The following PDE4D variants were observed in gnomAD, a reference collection of about 807,000 sequenced individuals.
PDE4D encodes the protein 3',5'-cyclic-AMP phosphodiesterase 4D.
A neutral mutation model predicts 87.4 loss-of-function variants in PDE4D; 24 were observed. The ratio of observed to expected loss-of-function variants is 0.27; its 90% CI spans 0.20 to 0.39. The LOEUF (loss-of-function observed/expected upper bound fraction) is 0.39, where lower values mean the gene tolerates loss of function less well. Among genes scored for constraint, PDE4D ranks in the 10% least tolerant of loss-of-function variants. PDE4D has a pLI of 1.00. For missense variants in PDE4D, 714 were observed against 1,041.0 expected (o/e 0.69, Z 4.32); for synonymous variants, 384 against 383.2 (o/e 1.00, Z -0.02).
intron 1 of PDE4D, among the ~76,000 whole-genome samples, chr5:59,507,679 A>AGAAAGAAAAG (rs1554198805): frequency 8.4e-6 from 1 of 118,712 alleles, no homozygotes; most frequent in African/African-American, 3.5e-5. Flanking sequence ...AAAAAAAAAA[A>AGAAAGAAAAG]AAAAGAAAAG....
intron 1 of PDE4D, among the ~76,000 whole-genome samples, chr5:59,597,533 G>C (rs1478492118): frequency 6.6e-6 from 1 of 152,036 alleles, no homozygotes; most frequent in Non-Finnish European, 1.5e-5. Flanking sequence ...GAGAAAGAGA[G>C]AGAGAGAGAG....
At chr5:60,147,162 C>A (rs1037745200) in intron 2 of PDE4D, among the ~76,000 whole-genome samples, 3 of 152,198 alleles carry the variant, frequency 2.0e-5, no homozygotes, top group Admixed American at 6.5e-5. Context: ...GGTACTTCCC[C>A]ATTGATCACA....
intron 1 of PDE4D, among the ~76,000 whole-genome samples, chr5:59,457,211 C>A (rs566819370): frequency 6.6e-6 from 1 of 152,150 alleles, no homozygotes; most frequent in Non-Finnish European, 1.5e-5. Flanking sequence ...TAAGAAATTG[C>A]TACAGCTTCT....
At chr5:60,421,997 A>T (rs974792502) in intron 1 of PDE4D, among the ~76,000 whole-genome samples, 1 of 152,226 alleles carries the variant, frequency 6.6e-6, no homozygotes, top group Non-Finnish European at 1.5e-5. Flanking sequence ...TTAGAGAAAA[A>T]AGAGTAAAAA....
intron 1 of PDE4D, among the ~76,000 whole-genome samples, chr5:60,235,041 A>G (rs1400464713): frequency 6.6e-6 from 1 of 151,922 alleles, no homozygotes; most frequent in Non-Finnish European, 1.5e-5. Context: ...TTAAAGTCAT[A>G]GCCATAAAGA....
At chr5:60,308,225 T>A (rs1460334156) in intron 1 of PDE4D, among the ~76,000 whole-genome samples, 1 of 152,250 alleles carries the variant, frequency 6.6e-6, no homozygotes, top group African/African-American at 2.4e-5. Flanking sequence ...GGAAATATTT[T>A]CATAACTTAA....
intron 1 of PDE4D, among the ~76,000 whole-genome samples, chr5:59,798,228 ATC>A (rs60239831): frequency 6.9e-6 from 1 of 145,616 alleles, no homozygotes; most frequent in African/African-American, 2.6e-5. Context: ...ACAAGTCTCC[ATC>A]TCTCTCTCTC....
chr5:59,458,522 G>A (rs1374722601), intron 1 of PDE4D, among the ~76,000 whole-genome samples: 1 of 152,132 alleles, frequency 6.6e-6, no homozygotes, highest in Admixed American at 6.5e-5. Flanking sequence ...AATCTGCTTT[G>A]TTTGTTCTCT....
At chr5:59,209,824 A>C (rs1181168125) in intron 2 of PDE4D, among the ~76,000 whole-genome samples, 1 of 152,244 alleles carries the variant, frequency 6.6e-6, no homozygotes, top group Non-Finnish European at 1.5e-5. Flanking sequence ...ATGGTGTCAC[A>C]GAAAGGAATA....
chr5:59,797,492 C>T (rs2152659124), intron 1 of PDE4D, among the ~76,000 whole-genome samples: 1 of 152,246 alleles, frequency 6.6e-6, no homozygotes, highest in South Asian at 2.1e-4. Flanking sequence ...GGTATATAGC[C>T]CTTCAAATGG....
At chr5:60,246,536 A>G (rs12189411) in intron 1 of PDE4D, among the ~76,000 whole-genome samples, 1,549 of 151,906 alleles carry the variant, frequency 0.01, 15 homozygotes, top group Non-Finnish European at 0.018. Context: ...ACAGTCTACT[A>G]ATTTTCTCTC....
At chr5:60,315,812 T>G (rs1755523370) in intron 1 of PDE4D, among the ~76,000 whole-genome samples, 1 of 151,884 alleles carries the variant, frequency 6.6e-6, no homozygotes, top group Non-Finnish European at 1.5e-5. Context: ...TGCAGCATTA[T>G]TTCTGAGGTC....
chr5:59,057,506 A>T (rs1762536622), intron 5 of PDE4D, among the ~76,000 whole-genome samples: 1 of 152,252 alleles, frequency 6.6e-6, no homozygotes, highest in Non-Finnish European at 1.5e-5. Context: ...GATGAATTTT[A>T]TATGCAGGCA....
At chr5:59,905,082 G>A (rs1752676386) in intron 3 of PDE4D, among the ~76,000 whole-genome samples, 1 of 152,168 alleles carries the variant, frequency 6.6e-6, no homozygotes, top group African/African-American at 2.4e-5. Context: ...TTTGGAGGAA[G>A]GAGAAGAAGG....
intron 1 of PDE4D, among the ~76,000 whole-genome samples, chr5:59,468,749 A>G (rs1344792564): frequency 6.6e-6 from 1 of 152,198 alleles, no homozygotes; most frequent in African/African-American, 2.4e-5. Context: ...CTGTCCTTCA[A>G]CAGGTTCTAA....
chr5:60,161,157 T>C (rs1020599050), intron 2 of PDE4D, among the ~76,000 whole-genome samples: 18 of 152,278 alleles, frequency 1.2e-4, no homozygotes, highest in Admixed American at 3.9e-4. Context: ...ATAACTCTCA[T>C]GGCTCCTTTC....
At chr5:59,598,012 G>C (rs765440307) in intron 1 of PDE4D, among the ~76,000 whole-genome samples, 2 of 151,966 alleles carry the variant, frequency 1.3e-5, no homozygotes, top group Non-Finnish European at 2.9e-5. Context: ...CACTTAATAG[G>C]CACAACAAAG....
intron 3 of PDE4D, among the ~76,000 whole-genome samples, chr5:59,921,695 A>G (rs1203450557): frequency 6.6e-6 from 1 of 152,214 alleles, no homozygotes; most frequent in Admixed American, 6.5e-5. Context: ...ATTTTAACCA[A>G]CAACCTGGGT....
intron 1 of PDE4D, among the ~76,000 whole-genome samples, chr5:59,442,280 T>C (rs1322914026): frequency 1.3e-5 from 2 of 152,210 alleles, no homozygotes; most frequent in African/African-American, 4.8e-5. Context: ...CAAGGCAGTG[T>C]AACTTGTGGG....
Sources: allele counts gnomAD v4.1 joint callset (sites outside exome capture counted in the v4.1 genomes callset), GRCh38; gene constraint gnomAD v4.1.1; transcripts MANE v1.5; gene names NCBI Gene and HGNC (gene_info 2026-07-23, HGNC 2026-07-21).